Variants in ATP2B2 observed in about 807,000 individuals in gnomAD.
The protein encoded by ATP2B2 is plasma membrane calcium-transporting ATPase 2.
ATP2B2 carries 15 observed loss-of-function variants against 120.0 expected under a neutral mutation model. The observed-to-expected ratio is 0.12, with a 90% CI of 0.08 to 0.19. ATP2B2 has a LOEUF of 0.19. Among genes scored for constraint, ATP2B2 ranks in the 10% least tolerant of loss-of-function variants. The probability of loss-of-function intolerance (pLI) is 1.00; values close to 1 mark genes in which losing one functional copy is unlikely to be tolerated. For missense variants in ATP2B2, 1,045 were observed against 1,719.8 expected, an observed-to-expected ratio of 0.61 and a Z score of 6.94; for synonymous variants, 694 against 700.3, an observed-to-expected ratio of 0.99 and a Z score of 0.14.
chr3:10,607,638 C>A (rs2069122608), intron 2 of ATP2B2, among the ~76,000 whole-genome samples: 1 of 152,224 alleles, frequency 6.6e-6, no homozygotes, highest in Non-Finnish European at 1.5e-5. Context: ...TCTATCCACA[C>A]TAGGGACATG....
rs778723997 is a variant in ATP2B2 at position 10,449,486 on chromosome 3, G to C, written c.58C>G (p.His20Asp). The stretch of plus-strand genomic sequence containing the variant: ...ATTGTGCACCCGAACTCGCCCCCAT[G>C]GCTCGACTCATTTCTTTGGTTTTTG... ...YSKNQRNESS[H>D]GGEFGCTMEE... Residue 20 changes from histidine (H) to aspartate (D), a missense_variant, in exon 2 of 23, where the codon CAT becomes GAT. This residue lies in a region of ATP2B2 where 139 missense variants were observed against 134.2 expected (regional missense o/e 1.04). Transcript: ENST00000360273. 2 of 1,614,244 alleles carry C rather than the reference G, an allele frequency of 1.2e-6. No individual in the cohort carries two copies.
chr3:10,612,375 C>T (rs561517959), intron 2 of ATP2B2, among the ~76,000 whole-genome samples: 1 of 152,298 alleles, frequency 6.6e-6, no homozygotes, highest in Admixed American at 6.5e-5. Flanking sequence ...TGGTCCTCCC[C>T]TTCCTTGGCC....
chr3:10,640,886 A>G (rs948657619), intron 1 of ATP2B2, among the ~76,000 whole-genome samples: 1 of 152,168 alleles, frequency 6.6e-6, no homozygotes, highest in Non-Finnish European at 1.5e-5. Flanking sequence ...TGATCAAATG[A>G]ATTGGAAGTG....
At chr3:10,665,743 A>T (rs1421216572) in intron 1 of ATP2B2, among the ~76,000 whole-genome samples, 1 of 152,172 alleles carries the variant, frequency 6.6e-6, no homozygotes, top group African/African-American at 2.4e-5. Flanking sequence ...AAGCTCCTGA[A>T]GGAGTCACAG....
chr3:10,418,363 G>A (rs2062859195), intron 2 of ATP2B2, among the ~76,000 whole-genome samples: 1 of 152,202 alleles, frequency 6.6e-6, no homozygotes, highest in Non-Finnish European at 1.5e-5. Flanking sequence ...CTGGGTTAGA[G>A]GTCAGAATGA....
intron 1 of ATP2B2, among the ~76,000 whole-genome samples, chr3:10,451,521 C>T (rs1336070390): frequency 1.3e-5 from 2 of 152,168 alleles, no homozygotes; most frequent in Admixed American, 6.5e-5. Context: ...TTTGGGGCTT[C>T]CCAGTCTTGG....
intron 1 of ATP2B2, among the ~76,000 whole-genome samples, chr3:10,480,540 G>T (rs567488495): frequency 6.6e-6 from 1 of 152,272 alleles, no homozygotes; most frequent in Non-Finnish European, 1.5e-5. Flanking sequence ...GCCTATGTGG[G>T]ACTAGTTCCT....
rs1175539453 is a variant in ATP2B2 at position 10,343,187 on chromosome 3, G to C, written c.2704-222C>G. Among the ~76,000 whole-genome samples the C allele has an allele frequency of 3.3e-5, 5 of 152,182 alleles. No homozygotes were observed. The highest frequency in any genetic ancestry group is 3.3e-4 in the Admixed American group (5 of 15,286). On this transcript the variant is annotated intron_variant, in intron 18 of 22. Coordinates refer to ENST00000360273, the MANE Select transcript of ATP2B2 (RefSeq NM_001001331.4). This position sits in a 1 kb window ranked among gnomAD's most constrained non-coding sequence, Gnocchi z 4.2. Reference sequence around the variant, plus strand: ...ATCTTCCCTGCCAGGAGATAAGTGAGTCCCCCCAGGCCCAATGGCCACCAG... The same window carrying C: ...ATCTTCCCTGCCAGGAGATAAGTGACTCCCCCCAGGCCCAATGGCCACCAG...
chr3:10,471,644 T>C (rs1301887910), intron 1 of ATP2B2, among the ~76,000 whole-genome samples: 2 of 151,686 alleles, frequency 1.3e-5, no homozygotes, highest in African/African-American at 4.8e-5. Flanking sequence ...GAAATCGATA[T>C]TACCATAAAA....
chr3:10,621,469 T>C (rs1471462733), intron 1 of ATP2B2, among the ~76,000 whole-genome samples: 5 of 152,176 alleles, frequency 3.3e-5, no homozygotes, highest in African/African-American at 1.2e-4. Context: ...GATCGTCAGC[T>C]CCAGCAACTG....
chr3:10,585,319 C>G (rs1345854839), intron 2 of ATP2B2, among the ~76,000 whole-genome samples: 2 of 136,210 alleles, frequency 1.5e-5, no homozygotes, highest in Non-Finnish European at 3.1e-5. Flanking sequence ...CCAGGTGAAA[C>G]CCCATCTCTA....
chr3:10,659,241 A>C (rs1268402032), intron 1 of ATP2B2, among the ~76,000 whole-genome samples: 2 of 152,232 alleles, frequency 1.3e-5, no homozygotes, highest in African/African-American at 4.8e-5. Flanking sequence ...TTCACACATA[A>C]CAATATTAAC....
intron 1 of ATP2B2, among the ~76,000 whole-genome samples, chr3:10,469,081 C>T (rs780019483): frequency 1.1e-4 from 16 of 152,290 alleles, no homozygotes; most frequent in South Asian, 2.1e-4. Context: ...GGATCGACTT[C>T]GATGTGTAAT....
chr3:10,513,456 A>C (rs907933820), intron 3 of ATP2B2, among the ~76,000 whole-genome samples: 16 of 152,138 alleles, frequency 1.1e-4, no homozygotes, highest in African/African-American at 3.6e-4. Context: ...TACCCTGGGA[A>C]GGGGGGCAGC....
chr3:10,435,713 G>T (rs1259202850), intron 2 of ATP2B2, among the ~76,000 whole-genome samples: 1 of 152,166 alleles, frequency 6.6e-6, no homozygotes, highest in Non-Finnish European at 1.5e-5. Context: ...GGGTTGGGAA[G>T]TGAGGAGGTA....
intron 8 of ATP2B2, among the ~76,000 whole-genome samples, chr3:10,381,668 C>T (rs1294727631): frequency 6.6e-6 from 1 of 152,182 alleles, no homozygotes; most frequent in East Asian, 1.9e-4. Flanking sequence ...GGTGGAACAG[C>T]CAGCTTTGGC....
At chr3:10,701,589 A>C (rs540857657) in intron 1 of ATP2B2, among the ~76,000 whole-genome samples, 2 of 151,218 alleles carry the variant, frequency 1.3e-5, no homozygotes, top group East Asian at 3.9e-4. Context: ...TTAACCACCT[A>C]CTATGTGCCC....
intron 1 of ATP2B2, among the ~76,000 whole-genome samples, chr3:10,669,685 C>G (rs1407904359): frequency 6.6e-6 from 1 of 152,218 alleles, no homozygotes; most frequent in African/African-American, 2.4e-5. Flanking sequence ...CCCTCAGGGA[C>G]TGTGCCCAGA....
At chr3:10,638,851 G>A (rs150342577) in intron 1 of ATP2B2, among the ~76,000 whole-genome samples, 3 of 152,324 alleles carry the variant, frequency 2.0e-5, no homozygotes, top group African/African-American at 7.2e-5. Flanking sequence ...AATATTAGCA[G>A]GGATAAAGAA....
Sources: allele counts gnomAD v4.1 joint callset (sites outside exome capture counted in the v4.1 genomes callset), GRCh38; gene constraint gnomAD v4.1.1; regional missense constraint gnomAD v4.1.1; non-coding constraint Gnocchi (gnomAD v3.1); transcripts MANE v1.5; gene names NCBI Gene and HGNC (gene_info 2026-07-23, HGNC 2026-07-21).